Variants in ALG13 observed in about 807,000 individuals in gnomAD.
The protein encoded by ALG13 is ALG13 UDP-N-acetylglucosaminyltransferase subunit, also known as UDP-N-acetylglucosamine transferase subunit ALG13.
Under a neutral mutation model 87.8 loss-of-function variants are expected in ALG13, and 11 were observed. That is an observed-to-expected ratio of 0.13 (90% CI 0.08 to 0.21). The LOEUF (loss-of-function observed/expected upper bound fraction) is 0.21. Among genes scored for constraint, ALG13 ranks in the 10% least tolerant of loss-of-function variants. The pLI is 1.00. For missense variants in ALG13, 756 were observed against 866.1 expected, an observed-to-expected ratio of 0.87 and a Z score of 1.60; for synonymous variants, 320 against 306.3, an observed-to-expected ratio of 1.04 and a Z score of -0.47.
At chrX:111,730,100 CACCACACTGTA>C (rs892207673) in intron 19 of ALG13, among the ~76,000 whole-genome samples, 3 of 112,186 alleles carry the variant, frequency 2.7e-5, no homozygotes, top group African/African-American at 9.7e-5. Context: ...TGTGCTTAAT[CACCACACTGTA>C]GCCTCACTGG....
At chrX:111,752,910 C>T (rs974576431) in intron 25 of ALG13, 80 bp downstream of exon 25, 5 of 738,975 alleles carry the variant, frequency 6.8e-6, no homozygotes, top group Non-Finnish European at 8.0e-6. Context: ...TCTTGAACTT[C>T]GAAAGCCAAA....
chrX:111,747,193 G>A (rs979530776), intron 24 of ALG13, among the ~76,000 whole-genome samples: 1 of 111,761 alleles, frequency 8.9e-6, no homozygotes, highest in African/African-American at 3.3e-5. Context: ...CTATAATGGA[G>A]CATTTCTACC....
intron 3 of ALG13, among the ~76,000 whole-genome samples, chrX:111,705,157 A>G (rs986931164): frequency 5.4e-5 from 6 of 111,474 alleles, no homozygotes; most frequent in African/African-American, 2.0e-4. Flanking sequence ...TACTGTCTGT[A>G]TTGTTTATTA....
At chrX:111,711,478 G>C (rs898875225) in intron 5 of ALG13, among the ~76,000 whole-genome samples, 197 bp from the exon 6 acceptor site, 1 of 112,169 alleles carries the variant, frequency 8.9e-6, no homozygotes, top group Non-Finnish European at 1.9e-5. Context: ...CAATTCCTAA[G>C]ATACTTTTAT....
rs376897522 is a variant in ALG13, at chrX:111,720,104, G to A, written c.1260G>A (p.Glu420=). The A allele has an allele frequency of 1.7e-6, 2 of 1,186,247 alleles. No homozygotes were observed. Among genetic ancestry groups the A allele is most frequent in the African/African-American group, 3.5e-5 (2 of 56,633 alleles). ...AAATCTTTTGAATTAGGATGGAAGA[G>A]TGGGGTGCCTGCTACAATGCTGAAA... is the stretch of plus-strand genomic sequence containing the variant. ...YKSSNQNRME[E]WGACYNAENI... The change falls in exon 11 of 27, where the codon GAG becomes GAA. Residue 420 remains glutamate (E), a synonymous_variant. Transcript: ENST00000394780.
chrX:111,751,602 A>G, intron 24 of ALG13, among the ~76,000 whole-genome samples: 1 of 111,954 alleles, frequency 8.9e-6, no homozygotes, highest in Non-Finnish European at 1.9e-5. Context: ...ACATACATGT[A>G]TCAAGTAGAA....
At chrX:111,729,670 G>A (rs976192450) in intron 19 of ALG13, among the ~76,000 whole-genome samples, 1 of 111,557 alleles carries the variant, frequency 9.0e-6, no homozygotes, top group Non-Finnish European at 1.9e-5. Flanking sequence ...TTAGAACTGC[G>A]GGTTTATATT....
chrX:111,720,278 G>C, intron 11 of ALG13, 108 bp downstream of exon 11: 2 of 436,669 alleles, frequency 4.6e-6, no homozygotes, highest in Non-Finnish European at 7.3e-6. Context: ...GTTGAGGGAG[G>C]AGTTGGTCAT....
chrX:111,747,422 A>C (rs1569522392), intron 24 of ALG13, among the ~76,000 whole-genome samples: 1 of 112,322 alleles, frequency 8.9e-6, no homozygotes, highest in East Asian at 2.8e-4. Context: ...TCACCTACTG[A>C]ATAACATCTT....
intron 3 of ALG13, among the ~76,000 whole-genome samples, chrX:111,691,501 A>G (rs1244379986): frequency 1.8e-5 from 2 of 112,387 alleles, no homozygotes; most frequent in African/African-American, 3.2e-5. Context: ...CTTTACACAT[A>G]TATACTCATT....
chrX:111,694,677 G>C (rs1385506657), intron 3 of ALG13, among the ~76,000 whole-genome samples: 1 of 112,046 alleles, frequency 8.9e-6, no homozygotes, highest in African/African-American at 3.2e-5. Flanking sequence ...TCTATGAGAC[G>C]CATATAGTAC....
At chrX:111,717,781 C>A in intron 8 of ALG13, 65 bp from the exon 9 acceptor site, 1 of 769,114 alleles carries the variant, frequency 1.3e-6, no homozygotes, top group South Asian at 3.2e-5. Flanking sequence ...AGTTAATTAT[C>A]ATCTTAATTT....
chrX:111,732,070 G>A (rs774649842), intron 21 of ALG13, among the ~76,000 whole-genome samples: 2 of 111,646 alleles, frequency 1.8e-5, no homozygotes, highest in Admixed American at 9.5e-5. Flanking sequence ...TGAAACAGTT[G>A]TTCCTTCAAC....
chrX:111,722,952 C>CTT (rs924042089), intron 13 of ALG13, 95 bp downstream of exon 13: 1 of 600,964 alleles, frequency 1.7e-6, no homozygotes, highest in African/African-American at 2.3e-5. Flanking sequence ...GTACTAGAAA[C>CTT]TTTTTATTTA....
intron 26 of ALG13, among the ~76,000 whole-genome samples, chrX:111,758,786 T>G (rs1945488189): frequency 8.9e-6 from 1 of 111,991 alleles, no homozygotes. Context: ...TCTACAATTA[T>G]CTGAAAGGCT....
intron 3 of ALG13, among the ~76,000 whole-genome samples, chrX:111,695,608 A>G (rs1211158977): frequency 9.0e-6 from 1 of 111,665 alleles, no homozygotes; most frequent in Non-Finnish European, 1.9e-5. Context: ...TTAAAAAAAA[A>G]TCTGTATTGT....
At chrX:111,724,600 G>A (rs1467747185) in intron 14 of ALG13, among the ~76,000 whole-genome samples, 1 of 112,074 alleles carries the variant, frequency 8.9e-6, no homozygotes, top group African/African-American at 3.2e-5. Context: ...ATCTTAAAAT[G>A]TCTCATACTT....
At position 111,724,894 on chromosome X, in the gene ALG13, G is replaced by A. The variant is rs756546337; in HGVS notation, c.1602-40G>A. 1.2e-4 allele frequency: 149 copies of A among 1,195,149 alleles called. 1 individual carries two copies. Among genetic ancestry groups the A allele is most frequent in the Admixed American group, 6.6e-4 (30 of 45,202 alleles). On this transcript the variant is annotated intron_variant, in intron 14 of 26. Transcript: ENST00000394780. ...CGTGTATTGAATGAAAGTTAAGTCTGTGTTGCAGTATCTTCATGGTGATAC... is the reference window on the plus strand; with the variant it reads ...CGTGTATTGAATGAAAGTTAAGTCTATGTTGCAGTATCTTCATGGTGATAC...
At chrX:111,684,033 GTT>G (rs1934270581) in intron 2 of ALG13, among the ~76,000 whole-genome samples, 1 of 112,134 alleles carries the variant, frequency 8.9e-6, no homozygotes, top group Non-Finnish European at 1.9e-5. Flanking sequence ...TTCACTTAGA[GTT>G]TTTCAACTTT....
Sources: allele counts gnomAD v4.1 joint callset (sites outside exome capture counted in the v4.1 genomes callset), GRCh38; gene constraint gnomAD v4.1.1; transcripts MANE v1.5; gene names NCBI Gene and HGNC (gene_info 2026-07-23, HGNC 2026-07-21).